Variants in JAZF1 observed in about 807,000 individuals in gnomAD.
JAZF1 encodes juxtaposed with another zinc finger protein 1.
Under a neutral mutation model 26.4 loss-of-function variants are expected in JAZF1, and 8 were observed. The ratio of observed to expected loss-of-function variants is 0.30; its 90% confidence interval spans 0.18 to 0.55. The LOEUF (loss-of-function observed/expected upper bound fraction) is 0.55. Among genes scored for constraint, JAZF1 ranks in the 20% least tolerant of loss-of-function variants. The pLI is 0.94. For synonymous variants in JAZF1, 126 were observed against 122.3 expected (o/e 1.03, Z -0.20); for missense variants, 199 against 322.0 (o/e 0.62, Z 2.92).
intron 1 of JAZF1, among the ~76,000 whole-genome samples, chr7:28,068,071 G>A (rs528285563): frequency 3.6e-4 from 54 of 152,074 alleles, no homozygotes; most frequent in Middle Eastern, 3.4e-3. Flanking sequence ...ACACCAACAC[G>A]CCCAGCTAAT....
chr7:28,168,823 A>C lies in JAZF1; in HGVS notation c.115+11640T>G, dbSNP rs1783409791. On this transcript the variant is annotated intron_variant, in intron 1 of 4. Coordinates refer to ENST00000283928, the MANE Select transcript of JAZF1 (RefSeq NM_175061.4). ...AAGTTTGATTCCTTTTTGAAACAAC[A>C]CAATCCTCCCAATGCTCGATATTTC... is the stretch of plus-strand genomic sequence containing the variant. Among the ~76,000 whole-genome samples, 3 of 152,200 alleles carry C rather than the reference A, an allele frequency of 2.0e-5. No homozygotes were observed. In the South Asian group the frequency reaches 6.2e-4, roughly 31 times the overall value.
chr7:28,102,927 C>G (rs1784495760), intron 1 of JAZF1, among the ~76,000 whole-genome samples: 1 of 152,232 alleles, frequency 6.6e-6, no homozygotes, highest in Non-Finnish European at 1.5e-5. Context: ...CCAGAGGACT[C>G]TCATGGCAGA....
At chr7:28,173,982 T>C (rs112569806) in intron 1 of JAZF1, among the ~76,000 whole-genome samples, 6 of 150,634 alleles carry the variant, frequency 4.0e-5, no homozygotes, top group African/African-American at 1.5e-4. Flanking sequence ...CAATTAAATA[T>C]ATTAAATGGA....
At chr7:27,974,255 A>C (rs959679487) in intron 2 of JAZF1, among the ~76,000 whole-genome samples, 4 of 152,306 alleles carry the variant, frequency 2.6e-5, no homozygotes, top group African/African-American at 9.6e-5. Context: ...ACATCGGTTA[A>C]CAGCCAAGGT....
chr7:27,951,820 G>A (rs749854184), intron 2 of JAZF1, among the ~76,000 whole-genome samples: 2 of 152,172 alleles, frequency 1.3e-5, no homozygotes, highest in African/African-American at 4.8e-5. Flanking sequence ...GAAAGACGGC[G>A]GGTTCATAAG....
intron 2 of JAZF1, among the ~76,000 whole-genome samples, chr7:27,900,111 G>C (rs951756905): frequency 1.2e-4 from 19 of 152,150 alleles, no homozygotes; most frequent in Admixed American, 1.2e-3. Context: ...CTACGATCTG[G>C]GAAAGGCTGG....
In JAZF1 at chr7:28,180,446, AC is replaced by A. The variant is rs1562615218; in HGVS notation, c.115+16del. On this transcript the variant is annotated intron_variant, in intron 1 of 4. Transcript: ENST00000283928. ...TTCCGCGCGCCTGGCACCCCCGCCC[AC>A]CCCCGGGCCATTTACCGATGTGGTT... is the stretch of plus-strand genomic sequence containing the variant. The A allele has an allele frequency of 1.3e-6, 2 of 1,516,116 alleles. No individual in the cohort carries two copies. The highest frequency in any genetic ancestry group is 2.2e-5 in the South Asian group (2 of 89,240). The allele number at this position is 1,516,116 out of a possible 1,614,324, so 93.9% of individuals were successfully genotyped here.
At chr7:27,886,816 CACT>C (rs1362287645) in intron 3 of JAZF1, among the ~76,000 whole-genome samples, 1 of 151,822 alleles carries the variant, frequency 6.6e-6, no homozygotes, top group Non-Finnish European at 1.5e-5. Context: ...TTCATTGCAG[CACT>C]ATTCACGATA....
intron 1 of JAZF1, among the ~76,000 whole-genome samples, chr7:28,081,355 C>T (rs955914855): frequency 2.0e-5 from 3 of 152,056 alleles, no homozygotes; most frequent in African/African-American, 7.2e-5. Flanking sequence ...GGAAGGAGTG[C>T]GGGAGTGCCT....
intron 1 of JAZF1, among the ~76,000 whole-genome samples, chr7:28,159,163 T>C (rs1358241101): frequency 1.3e-5 from 2 of 151,874 alleles, no homozygotes; most frequent in Admixed American, 6.6e-5. Context: ...GGCTCCTAAC[T>C]CAGCTGACAT....
intron 1 of JAZF1, among the ~76,000 whole-genome samples, chr7:28,043,180 G>C (rs185651600): frequency 1.4e-4 from 21 of 152,330 alleles, no homozygotes; most frequent in Admixed American, 1.2e-3. Context: ...AGGCAAGGTA[G>C]AGTACTAGGA....
intron 3 of JAZF1, among the ~76,000 whole-genome samples, chr7:27,849,756 C>CAGACACACAGACACAG (rs200915594): frequency 2.0e-5 from 3 of 147,464 alleles, no homozygotes; most frequent in Admixed American, 1.3e-4. Context: ...CACACAGACA[C>CAGACACACAGACACAG]ACACACACAC....
chr7:28,028,639 G>A (rs920286150), intron 1 of JAZF1, among the ~76,000 whole-genome samples: 6 of 152,178 alleles, frequency 3.9e-5, no homozygotes, highest in African/African-American at 1.4e-4. Flanking sequence ...CAATTGTCAC[G>A]AATAAGGATA....
intron 4 of JAZF1, among the ~76,000 whole-genome samples, chr7:27,836,068 T>G (rs934313503): frequency 1.3e-5 from 2 of 152,314 alleles, no homozygotes; most frequent in East Asian, 3.9e-4. Flanking sequence ...ATTACAGAAC[T>G]GGAATAGGAA....
chr7:27,866,065 G>A lies in JAZF1; in HGVS notation c.386-25198C>T, dbSNP rs1472463357. On this transcript the variant is annotated intron_variant, in intron 3 of 4. Transcript: ENST00000283928. ...CTACCTAGAATGGGTTCGCAGACAG[G>A]TTCAAGTCTTGCAGCACAACCTCAG... 3.3e-5 allele frequency among the ~76,000 whole-genome samples: 5 copies of A among 152,342 alleles called. No homozygotes were observed. In the East Asian group the frequency reaches 9.6e-4, roughly 29 times the overall value.
At chr7:27,954,086 A>G (rs1583478597) in intron 2 of JAZF1, among the ~76,000 whole-genome samples, 1 of 152,198 alleles carries the variant, frequency 6.6e-6, no homozygotes, top group African/African-American at 2.4e-5. Context: ...CTAGGAACCA[A>G]TGAAGATGGG....
chr7:28,018,701 T>C (rs554628801), intron 1 of JAZF1, among the ~76,000 whole-genome samples: 40 of 152,286 alleles, frequency 2.6e-4, no homozygotes, highest in Admixed American at 2.4e-3. Flanking sequence ...GAATACAACA[T>C]ATTCTATGGT....
chr7:28,071,292 G>A (rs769734634), intron 1 of JAZF1, among the ~76,000 whole-genome samples: 6 of 152,166 alleles, frequency 3.9e-5, no homozygotes, highest in Non-Finnish European at 8.8e-5. Flanking sequence ...GCTCATCACA[G>A]CATACTCTTC....
chr7:27,929,197 G>T (rs1784644547), intron 2 of JAZF1, among the ~76,000 whole-genome samples: 2 of 152,354 alleles, frequency 1.3e-5, no homozygotes, highest in African/African-American at 4.8e-5. Flanking sequence ...TCTGGTTTCT[G>T]ATTTATTTAG....
Sources: gnomAD v4.1 joint callset for allele counts (sites outside exome capture counted in the v4.1 genomes callset) on GRCh38, gnomAD v4.1.1 for gene constraint, MANE v1.5 for transcripts, NCBI Gene and HGNC (gene_info 2026-07-23, HGNC 2026-07-21) for gene names.